Variants in RPGRIP1L observed in about 807,000 individuals in gnomAD.
The protein encoded by RPGRIP1L is protein fantom.
RPGRIP1L carries 131 observed loss-of-function variants against 160.4 expected under a neutral mutation model. That is an observed-to-expected ratio of 0.82 (90% CI 0.71 to 0.94). RPGRIP1L has a LOEUF of 0.94. Ranked by LOEUF, RPGRIP1L falls within the 40% of genes least tolerant of loss-of-function variation. The pLI is 0.00. For synonymous variants in RPGRIP1L, 510 were observed against 515.8 expected (o/e 0.99, Z 0.15); for missense variants, 1,522 against 1,535.8 (o/e 0.99, Z 0.15).
rs765369037 is a variant in RPGRIP1L, at chr16:53,692,304, G to A, written c.291C>T (p.Gly97=). 23 of 1,613,874 alleles carry A rather than the reference G, an allele frequency of 1.4e-5. No homozygotes were observed. Among genetic ancestry groups the A allele is most frequent in the East Asian group, 2.2e-5 (1 of 44,900 alleles). ...CATCTCGTCCCAGCCGCTTGGGGCC[G>A]CCACCAACCCGCTCATATCTTTTCT... ...NDKKRYERVG[G]GPKRLGRDVE... is the part of the protein sequence containing the mutation. Residue 97 remains glycine (G), a synonymous_variant, in exon 4 of 27, where the codon GGC becomes GGT. Coordinates refer to ENST00000647211, the MANE Select transcript of RPGRIP1L (RefSeq NM_015272.5).
At chr16:53,666,448 C>T (rs902490004) in intron 9 of RPGRIP1L, among the ~76,000 whole-genome samples, 3 of 151,862 alleles carry the variant, frequency 2.0e-5, no homozygotes, top group Non-Finnish European at 2.9e-5. Context: ...ATTTTAAATA[C>T]TAAATAATAT....
At chr16:53,638,011 T>G (rs1450210873) in intron 20 of RPGRIP1L, among the ~76,000 whole-genome samples, 157 bp from the exon 21 acceptor site, 1 of 152,136 alleles carries the variant, frequency 6.6e-6, no homozygotes, top group East Asian at 1.9e-4. Flanking sequence ...CACTTCAATT[T>G]GTACAAATGA....
intron 7 of RPGRIP1L, among the ~76,000 whole-genome samples, chr16:53,673,854 T>C (rs1362927694): frequency 6.6e-6 from 1 of 152,172 alleles, no homozygotes; most frequent in African/African-American, 2.4e-5. Flanking sequence ...TTTTACCCTA[T>C]GTCAACTTCC....
rs73607985 is a variant in RPGRIP1L, at chr16:53,672,406, A to G, written c.1029+464T>C. ...CTTGGGAACAAACTTAACAGGCTAC[A>G]TAAAATACTACGATAATAGGAAGAT... On this transcript the variant is annotated intron_variant, in intron 8 of 26. Coordinates refer to ENST00000647211, the MANE Select transcript of RPGRIP1L (RefSeq NM_015272.5). Among the ~76,000 whole-genome samples, 485 of 152,292 alleles carry G rather than the reference A, an allele frequency of 3.2e-3. 4 individuals carry two copies. The highest frequency in any genetic ancestry group is 0.011 in the African/African-American group (454 of 41,576).
At chr16:53,632,477 G>C (rs759244517) in intron 22 of RPGRIP1L, among the ~76,000 whole-genome samples, 5 of 152,124 alleles carry the variant, frequency 3.3e-5, no homozygotes, top group Non-Finnish European at 7.4e-5. Flanking sequence ...CTTAAGATCA[G>C]GAGCTTAATT....
At chr16:53,654,697 G>A (rs532879308) in intron 14 of RPGRIP1L, among the ~76,000 whole-genome samples, 1 of 152,296 alleles carries the variant, frequency 6.6e-6, no homozygotes, top group Admixed American at 6.5e-5. Flanking sequence ...GGATGCATTA[G>A]GGGCTTGATC....
At chr16:53,611,692 C>T (rs1027352852) in intron 24 of RPGRIP1L, among the ~76,000 whole-genome samples, 6 of 152,200 alleles carry the variant, frequency 3.9e-5, no homozygotes, top group African/African-American at 1.4e-4. Context: ...GATAACTGAC[C>T]TCAAGTCTCA....
chr16:53,663,736 G>A (rs1244922998), intron 10 of RPGRIP1L, among the ~76,000 whole-genome samples: 4 of 152,020 alleles, frequency 2.6e-5, no homozygotes, highest in Non-Finnish European at 4.4e-5. Context: ...ATCATCAAAT[G>A]TAGTCACTTG....
chr16:53,624,896 C>T (rs1295862845), intron 22 of RPGRIP1L, among the ~76,000 whole-genome samples: 3 of 151,914 alleles, frequency 2.0e-5, no homozygotes, highest in East Asian at 1.9e-4. Flanking sequence ...CTGCCGAGTG[C>T]CTGGGATTGC....
chr16:53,669,311 A>G (rs142693651), intron 9 of RPGRIP1L, among the ~76,000 whole-genome samples: 3 of 152,134 alleles, frequency 2.0e-5, no homozygotes, highest in African/African-American at 7.2e-5. Context: ...CTTATGTTAC[A>G]TTAATTTTTC....
chr16:53,703,672 G>GAACTCCAGGGCC (rs1351382837), intron 1 of RPGRIP1L, 131 bp downstream of exon 1: 39 of 219,064 alleles, frequency 1.8e-4, no homozygotes, highest in African/African-American at 6.3e-4. Flanking sequence ...CACGCCAGCA[G>GAACTCCAGGGCC]AACTCCAGGG....
In RPGRIP1L at chr16:53,622,363, CAAAA is replaced by C. The variant is rs113083177; in HGVS notation, c.3295-11_3295-8del. ...CGGGAGACAATGCGAGACTCTGTCT[CAAAA>C]AAAAAAAAAAAATCTTAAGATTAAG... is the stretch of plus-strand genomic sequence containing the variant. On this transcript the variant is annotated splice_polypyrimidine_tract_variant and splice_region_variant and intron_variant, in intron 22 of 26. Coordinates refer to ENST00000647211, the MANE Select transcript of RPGRIP1L (RefSeq NM_015272.5). 130 of 439,898 alleles carry C rather than the reference CAAAA, an allele frequency of 3.0e-4. No individual in the cohort carries two copies. The highest frequency in any genetic ancestry group is 8.7e-4 in the South Asian group (27 of 31,010). The allele number at this position is 439,898 out of a possible 1,614,324, so 27.2% of individuals were successfully genotyped here.
At chr16:53,607,308 A>G (rs922309156) in intron 25 of RPGRIP1L, among the ~76,000 whole-genome samples, 5 of 152,222 alleles carry the variant, frequency 3.3e-5, no homozygotes, top group Admixed American at 1.3e-4. Context: ...TATTTTTAAT[A>G]TAGATAGAGT....
At chr16:53,637,586 C>T (rs1223383822) in intron 21 of RPGRIP1L, 109 bp downstream of exon 21, 29 of 953,628 alleles carry the variant, frequency 3.0e-5, no homozygotes, top group South Asian at 2.2e-4. Flanking sequence ...AAACAGGTAT[C>T]GTGAAGTAGA....
At chr16:53,640,800 A>G (rs751919602) in intron 19 of RPGRIP1L, among the ~76,000 whole-genome samples, 2 of 152,128 alleles carry the variant, frequency 1.3e-5, no homozygotes, top group Non-Finnish European at 2.9e-5. Flanking sequence ...ATAGGAGCAG[A>G]GGATTGGGGC....
In RPGRIP1L at chr16:53,620,953, A is replaced by G. The variant is rs371475548; in HGVS notation, c.3432+1266T>C. Among the ~76,000 whole-genome samples the G allele has an allele frequency of 9.8e-5, 15 of 152,364 alleles. No homozygotes were observed. In the East Asian group the frequency reaches 1.9e-3, roughly 20 times the overall value. On this transcript the variant is annotated intron_variant, in intron 23 of 26. Transcript: ENST00000647211. ...ACATAAGTTGGAATTTGACAAACTT[A>G]GAATTATAGCAATAACATCTTATAC...
At position 53,598,316 on chromosome 16, in the gene RPGRIP1L, T is replaced by A. The variant is rs1018963361; in HGVS notation, c.*3760A>T. 1 of 152,126 alleles carries A rather than the reference T, an allele frequency of 6.6e-6. No homozygotes were observed. Among genetic ancestry groups the A allele is most frequent in the Non-Finnish European group, 1.5e-5 (1 of 68,032 alleles). The allele number at this position is 152,126 out of a possible 1,614,324, so 9.4% of individuals were successfully genotyped here. A position where few individuals can be genotyped will look rare whatever the true frequency, so the allele number is the denominator to read the frequency against. On this transcript the variant is annotated 3_prime_UTR_variant, in exon 27 of 27. Transcript: ENST00000647211. ...ATCTACCTCAGAAAACAGGTCATGATCGAAGTCTAAGAGTACCAGATTGCA... is the reference window on the plus strand; with the variant it reads ...ATCTACCTCAGAAAACAGGTCATGAACGAAGTCTAAGAGTACCAGATTGCA...
intron 25 of RPGRIP1L, 52 bp downstream of exon 25, chr16:53,610,915 C>A (rs764638024): frequency 7.3e-7 from 1 of 1,376,690 alleles, no homozygotes; most frequent in African/African-American, 1.4e-5. Flanking sequence ...TGTCCTGCTA[C>A]AGAGATCTAC....
intron 25 of RPGRIP1L, among the ~76,000 whole-genome samples, chr16:53,609,906 G>T (rs1407888237): frequency 6.6e-6 from 1 of 152,074 alleles, no homozygotes; most frequent in African/African-American, 2.4e-5. Context: ...TCAAACAGAA[G>T]ATAAAATGCT....
Sources: gnomAD v4.1 joint callset for allele counts (sites outside exome capture counted in the v4.1 genomes callset) on GRCh38, gnomAD v4.1.1 for gene constraint, MANE v1.5 for transcripts, NCBI Gene and HGNC (gene_info 2026-07-23, HGNC 2026-07-21) for gene names.